The following LMO7 variants were observed in gnomAD, a reference collection of about 807,000 sequenced individuals.
LMO7 encodes LIM domain only protein 7.
In LMO7, 120 loss-of-function variants were observed where a neutral mutation model predicts 206.5. That is an observed-to-expected ratio of 0.58 (90% CI 0.50 to 0.68). The LOEUF (loss-of-function observed/expected upper bound fraction) is 0.68, where lower values mean the gene tolerates loss of function less well. Ranked by LOEUF, LMO7 falls within the 30% of genes least tolerant of loss-of-function variation. LMO7 has a pLI of 0.00. For synonymous variants in LMO7, 706 were observed against 681.5 expected (o/e 1.04, Z -0.56); for missense variants, 1,959 against 1,957.9 (o/e 1.00, Z -0.01).
In LMO7 at chr13:75,834,256, T is replaced by A. The variant is rs769719724; in HGVS notation, c.3095T>A (p.Val1032Glu). The stretch of plus-strand genomic sequence containing the variant: ...CCAGCAGAATTTTCTCAGCTACAAG[T>A]AGATGATGAAATTATTGCTATTAAC... ...GSPAEFSQLQ[V>E]DDEIIAINNT... The change falls in exon 17 of 31, where the codon GTA becomes GAA. Residue 1032 changes from valine to glutamate, a missense_variant. By Grantham distance (121) the Val-to-Glu change is moderately radical (BLOSUM62 -2). Transcript: ENST00000377534. The A allele has an allele frequency of 1.9e-6, 3 of 1,607,068 alleles. No homozygotes were observed. Among genetic ancestry groups the A allele is most frequent in the Admixed American group, 1.7e-5 (1 of 58,928 alleles).
At chr13:75,637,528 C>G (rs759935824) in intron 1 of LMO7, among the ~76,000 whole-genome samples, 23 of 152,168 alleles carry the variant, frequency 1.5e-4, no homozygotes, top group Non-Finnish European at 2.8e-4. Context: ...ACTTTTAAAA[C>G]GAGGCAAAAG....
At chr13:75,731,247 C>T (rs1179430115) in intron 3 of LMO7, among the ~76,000 whole-genome samples, 5 of 152,020 alleles carry the variant, frequency 3.3e-5, no homozygotes, top group African/African-American at 1.2e-4. Context: ...TCTCCCATTA[C>T]TATTGTGTGG....
At chr13:75,817,383 T>C in intron 12 of LMO7, 105 bp downstream of exon 12, 1 of 676,446 alleles carries the variant, frequency 1.5e-6, no homozygotes, top group Non-Finnish European at 2.5e-6. Context: ...TATTACAGAA[T>C]TCAGTTCTGT....
chr13:75,717,965 AC>A (rs1222395571), intron 2 of LMO7, among the ~76,000 whole-genome samples: 15 of 152,312 alleles, frequency 9.8e-5, no homozygotes, highest in African/African-American at 2.6e-4. Flanking sequence ...GTTTTTCTTC[AC>A]TTTCAAGTAA....
At chr13:75,773,474 G>T (rs2050001121) in intron 4 of LMO7, among the ~76,000 whole-genome samples, 2 of 152,182 alleles carry the variant, frequency 1.3e-5, no homozygotes, top group Middle Eastern at 3.2e-3. Flanking sequence ...TATGGAGGCT[G>T]AGAGAGAGGT....
At chr13:75,650,094 G>A (rs570444263) in intron 1 of LMO7, among the ~76,000 whole-genome samples, 11 of 151,060 alleles carry the variant, frequency 7.3e-5, no homozygotes, top group African/African-American at 1.2e-4. Flanking sequence ...AAGTGCTGGG[G>A]TTACAGGCAT....
chr13:75,803,750 A>G (rs2055074850), intron 7 of LMO7, among the ~76,000 whole-genome samples: 1 of 152,186 alleles, frequency 6.6e-6, no homozygotes, highest in East Asian at 1.9e-4. Context: ...GAAGTCATCC[A>G]GTCCAGCCTC....
chr13:75,758,732 A>G (rs7320602), intron 3 of LMO7, among the ~76,000 whole-genome samples: 55,481 of 151,992 alleles, frequency 0.37, 10,524 homozygotes, highest in East Asian at 0.51. Context: ...GATGAATGCT[A>G]TTATGTTTGT....
chr13:75,753,208 G>A (rs2047407625), intron 3 of LMO7, among the ~76,000 whole-genome samples: 1 of 151,904 alleles, frequency 6.6e-6, no homozygotes, highest in Admixed American at 6.6e-5. Flanking sequence ...ATTTTTGTTG[G>A]CCATTTGTCT....
At chr13:75,643,395 T>A (rs1161592598) in intron 1 of LMO7, among the ~76,000 whole-genome samples, 2 of 152,240 alleles carry the variant, frequency 1.3e-5, no homozygotes. Flanking sequence ...CTCGTTCTTC[T>A]AGTTAGCATC....
intron 3 of LMO7, among the ~76,000 whole-genome samples, chr13:75,733,845 C>T (rs634729): frequency 0.51 from 77,139 of 152,104 alleles, 21,037 homozygotes; most frequent in African/African-American, 0.71. Flanking sequence ...GTTTCCTTTC[C>T]TGGCTTATTT....
At chr13:75,795,638 C>T (rs1225144971) in intron 5 of LMO7, among the ~76,000 whole-genome samples, 5 of 152,196 alleles carry the variant, frequency 3.3e-5, no homozygotes, top group African/African-American at 1.2e-4. Context: ...TAAGGGAGAA[C>T]GTGTGGTATT....
chr13:75,755,674 G>C (rs1392842575), intron 3 of LMO7, among the ~76,000 whole-genome samples: 2 of 152,078 alleles, frequency 1.3e-5, no homozygotes, highest in African/African-American at 4.8e-5. Flanking sequence ...ATTTCTAAAC[G>C]TTTATTTTTC....
chr13:75,811,444 T>TA (rs1248581549), intron 11 of LMO7, among the ~76,000 whole-genome samples: 2 of 152,238 alleles, frequency 1.3e-5, no homozygotes, highest in African/African-American at 4.8e-5. Flanking sequence ...GTTTCATATT[T>TA]ATGCTGGGTG....
At chr13:75,636,752 T>C in intron 1 of LMO7, 26 bp downstream of exon 1, 1 of 1,591,958 alleles carries the variant, frequency 6.3e-7, no homozygotes. Flanking sequence ...TGCTTTCCCT[T>C]CCGCAGGTGT....
rs544768727 is a variant in LMO7 at position 75,842,027 on chromosome 13, A to G, written c.4031+44A>G. The G allele has an allele frequency of 1.9e-5, 27 of 1,454,660 alleles. No homozygotes were observed. The South Asian group carries it at 3.5e-4, about 19-fold the overall frequency. 90.1% of individuals were successfully genotyped at this position (1,454,660 alleles called of 1,614,324 possible). ...AGGGTACAAAGGCTTAGCTGTATCC[A>G]TTCCCCACTTCAAAGGCACCCGCTT... On this transcript the variant is annotated intron_variant, in intron 24 of 30. Coordinates refer to ENST00000377534, the MANE Select transcript of LMO7 (RefSeq NM_001306080.2).
At chr13:75,811,486 G>A (rs1384710187) in intron 11 of LMO7, among the ~76,000 whole-genome samples, 1 of 152,144 alleles carries the variant, frequency 6.6e-6, no homozygotes, top group Non-Finnish European at 1.5e-5. Flanking sequence ...ACGTTGTCAA[G>A]CTTGGCATAC....
chr13:75,852,555 A>G (rs967080128), intron 27 of LMO7, among the ~76,000 whole-genome samples: 1 of 152,250 alleles, frequency 6.6e-6, no homozygotes, highest in Admixed American at 6.5e-5. Flanking sequence ...GATGCCACTG[A>G]TGATGAAGAT....
chr13:75,711,618 C>A (rs1408547783), intron 1 of LMO7, among the ~76,000 whole-genome samples: 2 of 152,218 alleles, frequency 1.3e-5, no homozygotes, highest in African/African-American at 4.8e-5. Context: ...GCGCTGCACC[C>A]CCCCTGTCCT....
Sources: allele counts gnomAD v4.1 joint callset (sites outside exome capture counted in the v4.1 genomes callset), GRCh38; gene constraint gnomAD v4.1.1; transcripts MANE v1.5; gene names NCBI Gene and HGNC (gene_info 2026-07-23, HGNC 2026-07-21).